The following TCAIM variants were observed in gnomAD, a reference collection of about 807,000 sequenced individuals.
TCAIM encodes the protein T cell activation inhibitor, mitochondrial.
Under a neutral mutation model 58.6 loss-of-function variants are expected in TCAIM, and 36 were observed. That is an observed-to-expected ratio of 0.61 (90% CI 0.47 to 0.81). TCAIM has a LOEUF of 0.81. Among genes scored for constraint, TCAIM ranks in the 30% least tolerant of loss-of-function variants. TCAIM has a pLI of 0.00. For missense variants in TCAIM, 466 were observed against 579.6 expected (o/e 0.80, Z 2.01); for synonymous variants, 172 against 193.6 (o/e 0.89, Z 0.93).
rs746864682 is a variant in TCAIM at position 44,396,429 on chromosome 3, G to A, written c.725G>A (p.Arg242His). 3.1e-6 allele frequency: 5 copies of A among 1,613,690 alleles called. No individual in the cohort carries two copies. The highest frequency in any genetic ancestry group is 2.2e-5 in the East Asian group (1 of 44,882). ...CAGAGGAGCTGGGGCATCGCCCACC[G>A]CTGTAGCCAGCTGCATAGTTTAAGC... The part of the protein sequence containing the change: ...RWQRSWGIAH[R>H]CSQLHSLSRL... Residue 242 changes from arginine (R) to histidine (H), a missense_variant, in exon 7 of 11, where the codon CGC becomes CAC. Coordinates refer to ENST00000342649, the MANE Select transcript of TCAIM (RefSeq NM_173826.4).
Position 44,385,994 on chromosome 3 carries a change from CT to C in TCAIM, c.573-6852del, listed in dbSNP as rs1034019879. 1.3e-4 allele frequency among the ~76,000 whole-genome samples: 20 copies of C among 151,032 alleles called. No individual in the cohort carries two copies. In the East Asian group the frequency reaches 2.7e-3, roughly 21 times the overall value. On this transcript the variant is annotated intron_variant, in intron 5 of 10. Transcript: ENST00000342649. The stretch of plus-strand genomic sequence containing the variant: ...AACAGTAGCCAGCAACTTATACTTT[CT>C]TTTTTTTTAACCTGTTTTTTAATTT...
At chr3:44,347,252 G>A (rs1700989397) in intron 1 of TCAIM, among the ~76,000 whole-genome samples, 1 of 152,186 alleles carries the variant, frequency 6.6e-6, no homozygotes, top group Admixed American at 6.5e-5. Flanking sequence ...GGAGCAGGAG[G>A]ATGTCCTCTT....
Position 44,401,231 on chromosome 3 carries a change from C to G in TCAIM, c.1147C>G (p.Leu383Val). 6.2e-7 allele frequency: 1 copy of G among 1,613,900 alleles called. No homozygotes were observed. Among genetic ancestry groups the G allele is most frequent in the Non-Finnish European group, 8.5e-7 (1 of 1,179,952 alleles). Residue 383 changes from leucine (L) to valine (V), a missense_variant, in exon 10 of 11, where the codon CTC becomes GTC. Leu to Val is a conservative substitution (Grantham distance 32). Coordinates refer to ENST00000342649, the MANE Select transcript of TCAIM (RefSeq NM_173826.4). ...SDRYAPSLHELGHFNIPTLCD... is the reference protein window; with the variant it reads ...SDRYAPSLHEVGHFNIPTLCD... Reference sequence around the variant, plus strand: ...CAGATATGCTCCAAGCTTGCATGAACTCGGGCATTTTAATATTCCAACACT... The same window carrying G: ...CAGATATGCTCCAAGCTTGCATGAAGTCGGGCATTTTAATATTCCAACACT...
intron 5 of TCAIM, among the ~76,000 whole-genome samples, chr3:44,380,652 A>T (rs1250531433): frequency 1.3e-5 from 2 of 152,152 alleles, no homozygotes; most frequent in South Asian, 4.1e-4. Context: ...ATTAGAGCAG[A>T]TAACCAAAGT....
At chr3:44,386,672 G>T (rs376605896) in intron 5 of TCAIM, among the ~76,000 whole-genome samples, 1 of 152,342 alleles carries the variant, frequency 6.6e-6, no homozygotes, top group East Asian at 1.9e-4. Flanking sequence ...GCACTGTCAC[G>T]ACCTGGCCAG....
At chr3:44,384,945 G>T (rs1701712409) in intron 5 of TCAIM, among the ~76,000 whole-genome samples, 1 of 152,150 alleles carries the variant, frequency 6.6e-6, no homozygotes, top group Admixed American at 6.6e-5. Context: ...TACTAATAGG[G>T]ACATTTTTAG....
At chr3:44,379,809 A>G (rs1239992924) in intron 5 of TCAIM, among the ~76,000 whole-genome samples, 1 of 152,090 alleles carries the variant, frequency 6.6e-6, no homozygotes, top group African/African-American at 2.4e-5. Context: ...TCATACCCCA[A>G]ACCCCAGCAC....
chr3:44,360,688 C>A (rs1701282301), intron 3 of TCAIM, among the ~76,000 whole-genome samples: 1 of 151,724 alleles, frequency 6.6e-6, no homozygotes, highest in Non-Finnish European at 1.5e-5. Context: ...TCACTGCAGC[C>A]TCGAACTCCT....
intron 3 of TCAIM, chr3:44,358,387 A>G: frequency 4.6e-6 from 3 of 646,974 alleles, no homozygotes; most frequent in South Asian, 1.8e-5. Flanking sequence ...AACATTAGAA[A>G]ATACAGTCAG....
intron 6 of TCAIM, among the ~76,000 whole-genome samples, chr3:44,395,778 T>A (rs1302953226): frequency 6.6e-6 from 1 of 152,156 alleles, no homozygotes; most frequent in East Asian, 1.9e-4. Context: ...TGAGCCCAGG[T>A]GTTGAAGACC....
intron 9 of TCAIM, chr3:44,400,808 C>A: frequency 1.8e-6 from 1 of 557,706 alleles, no homozygotes; most frequent in South Asian, 2.2e-5. Flanking sequence ...TATTGCTGAG[C>A]AGATTTACTG....
At chr3:44,387,232 A>G (rs1014501214) in intron 5 of TCAIM, among the ~76,000 whole-genome samples, 1 of 152,286 alleles carries the variant, frequency 6.6e-6, no homozygotes, top group Admixed American at 6.5e-5. Context: ...CTGCTGGCAG[A>G]AAGGAGCTAC....
chr3:44,357,908 G>A (rs764314400), intron 3 of TCAIM, 32 bp downstream of exon 3: 3 of 1,604,994 alleles, frequency 1.9e-6, no homozygotes, highest in Non-Finnish European at 2.5e-6. Context: ...AACCATTAGT[G>A]TACATTTCTG....
chr3:44,401,675 T>G (rs979151621), intron 10 of TCAIM, among the ~76,000 whole-genome samples: 2 of 152,226 alleles, frequency 1.3e-5, no homozygotes, highest in Non-Finnish European at 1.5e-5. Context: ...ATTTTCAAAC[T>G]GTTGATATAA....
chr3:44,340,868 T>G (rs1472023299), intron 1 of TCAIM: 1 of 152,178 alleles, frequency 6.6e-6, no homozygotes, highest in African/African-American at 2.4e-5. Flanking sequence ...CTTCCTACCC[T>G]GTCCCTTTCT....
chr3:44,356,929 C>G (rs552678084), intron 2 of TCAIM, among the ~76,000 whole-genome samples: 19 of 151,710 alleles, frequency 1.3e-4, no homozygotes, highest in African/African-American at 4.6e-4. Context: ...TGCAGTGAGC[C>G]AAGATCATGC....
At chr3:44,358,713 T>C in intron 3 of TCAIM, 5 of 987,466 alleles carry the variant, frequency 5.1e-6, no homozygotes, top group Non-Finnish European at 6.0e-6. Context: ...CCCCTATGGA[T>C]ACCAAGGGAC....
rs1170803410 is a variant in TCAIM at position 44,367,564 on chromosome 3, C to G, written c.428C>G (p.Thr143Ser). ...GTTGAACATATCCAAAGCTTGAATA[C>G]TAATATGCATACCCAGCCTCTCAAA... ...LSVEHIQSLN[T>S]NMHTQPLKEA... Residue 143 changes from threonine (T) to serine (S), a missense_variant, in exon 5 of 11, where the codon ACT becomes AGT. Thr to Ser is a moderately conservative substitution (Grantham distance 58). Transcript: ENST00000342649. 1 of 1,614,068 alleles carries G rather than the reference C, an allele frequency of 6.2e-7. No homozygotes were observed. Among genetic ancestry groups the G allele is most frequent in the African/African-American group, 1.3e-5 (1 of 75,018 alleles).
intron 3 of TCAIM, chr3:44,358,320 C>A: frequency 1.2e-6 from 1 of 817,420 alleles, no homozygotes; most frequent in Admixed American, 2.2e-5. Context: ...TCCAGGAATA[C>A]AAACTGATAT....
Sources: gnomAD v4.1 joint callset for allele counts (sites outside exome capture counted in the v4.1 genomes callset) on GRCh38, gnomAD v4.1.1 for gene constraint, MANE v1.5 for transcripts, NCBI Gene and HGNC (gene_info 2026-07-23, HGNC 2026-07-21) for gene names.